The following PPP1R16B variants were observed in gnomAD, a reference collection of about 807,000 sequenced individuals.
The protein encoded by PPP1R16B is protein phosphatase 1 regulatory inhibitor subunit 16B.
Under a neutral mutation model 61.7 loss-of-function variants are expected in PPP1R16B, and 14 were observed. The ratio of observed to expected loss-of-function variants is 0.23; its 90% CI spans 0.15 to 0.35. The LOEUF is 0.35. Among genes scored for constraint, PPP1R16B ranks in the 10% least tolerant of loss-of-function variants. The pLI is 1.00. For synonymous variants in PPP1R16B, 266 were observed against 305.3 expected, an observed-to-expected ratio of 0.87 and a Z score of 1.34; for missense variants, 547 against 752.5, an observed-to-expected ratio of 0.73 and a Z score of 3.19.
At chr20:38,893,449 T>C (rs1430056378) in intron 3 of PPP1R16B, among the ~76,000 whole-genome samples, 1 of 152,054 alleles carries the variant, frequency 6.6e-6, no homozygotes, top group Non-Finnish European at 1.5e-5. Flanking sequence ...TCGAGGGTGT[T>C]AGGAAGGGGA....
intron 2 of PPP1R16B, among the ~76,000 whole-genome samples, chr20:38,865,417 G>A (rs2085083810): frequency 6.6e-6 from 1 of 151,978 alleles, no homozygotes; most frequent in Non-Finnish European, 1.5e-5. Flanking sequence ...AGCCTTCCGA[G>A]TAGCTGGGAC....
chr20:38,907,946 G>A lies in PPP1R16B; in HGVS notation c.1028+11G>A. 1 of 1,614,128 alleles carries A rather than the reference G, an allele frequency of 6.2e-7. No homozygotes were observed. Among genetic ancestry groups the A allele is most frequent in the African/African-American group, 1.3e-5 (1 of 75,046 alleles). ...CGCAGGCAGCCGTGGGTGAGTCCGG[G>A]GCAGGGCAGCCAGGAGTCCCTGTGT... On this transcript the variant is annotated intron_variant, in intron 9 of 10. Coordinates refer to ENST00000299824, the MANE Select transcript of PPP1R16B (RefSeq NM_015568.4). This position sits in a 1 kb window ranked among gnomAD's most constrained non-coding sequence, Gnocchi z 4.5.
At chr20:38,845,684 G>T (rs1043741501) in intron 2 of PPP1R16B, among the ~76,000 whole-genome samples, 2 of 152,042 alleles carry the variant, frequency 1.3e-5, no homozygotes. Flanking sequence ...GATGGGAGGT[G>T]GAAGAGTAGG....
intron 3 of PPP1R16B, among the ~76,000 whole-genome samples, chr20:38,893,561 C>T (rs1412859329): frequency 6.8e-6 from 1 of 147,042 alleles, no homozygotes; most frequent in East Asian, 2.0e-4. Context: ...TAGATTGAAG[C>T]TGGGAAGGGA....
chr20:38,908,161 G>A lies in PPP1R16B; in HGVS notation c.1162G>A (p.Glu388Lys), dbSNP rs1231674795. ...CTCCACCTACAACGGGGACATCAGG[G>A]AGACCAGGACAGACCAAGAGAATAA... ...RTSTYNGDIRETRTDQENKDP... is the reference protein window; with the variant it reads ...RTSTYNGDIRKTRTDQENKDP... Residue 388 changes from glutamate (E) to lysine (K), a missense_variant, in exon 10 of 11, where the codon GAG becomes AAG. By Grantham distance (56) the Glu-to-Lys change is moderately conservative (BLOSUM62 1). Coordinates refer to ENST00000299824, the MANE Select transcript of PPP1R16B (RefSeq NM_015568.4). 6.2e-6 allele frequency: 10 copies of A among 1,614,250 alleles called. No homozygotes were observed. Among genetic ancestry groups the A allele is most frequent in the Non-Finnish European group, 8.5e-6 (10 of 1,180,038 alleles).
intron 2 of PPP1R16B, among the ~76,000 whole-genome samples, chr20:38,871,818 A>G (rs931767381): frequency 2.0e-5 from 3 of 152,204 alleles, no homozygotes; most frequent in African/African-American, 7.2e-5. Context: ...AGTATTTACA[A>G]TCTAGCTCAG....
chr20:38,898,682 C>T (rs962472917), intron 4 of PPP1R16B, among the ~76,000 whole-genome samples: 2 of 151,932 alleles, frequency 1.3e-5, no homozygotes, highest in Non-Finnish European at 2.9e-5. Flanking sequence ...TGGTGGTGCA[C>T]GCCTGTAATC....
rs763743444 is a variant in PPP1R16B at position 38,889,618 on chromosome 20, G to A, written c.274G>A (p.Val92Ile). ...EEVRYFLKNK[V>I]SPDLCNEDGL... ...AGTACGCTACTTCCTGAAGAATAAG[G>A]TCAGCCCTGATTTGTGCAATGAGGA... Residue 92 changes from valine to isoleucine, a missense_variant, in exon 3 of 11, where the codon GTC becomes ATC. Transcript: ENST00000299824. 24 of 1,597,090 alleles carry A rather than the reference G, an allele frequency of 1.5e-5. No individual in the cohort carries two copies. The Middle Eastern group carries it at 1.2e-3, about 77-fold the overall frequency.
chr20:38,839,526 G>C (rs1329833893), intron 2 of PPP1R16B, among the ~76,000 whole-genome samples: 1 of 150,642 alleles, frequency 6.6e-6, no homozygotes, highest in Non-Finnish European at 1.5e-5. Context: ...GCTTCTTTTT[G>C]TCCATCCATC....
intron 2 of PPP1R16B, among the ~76,000 whole-genome samples, chr20:38,883,770 C>T (rs1159915520): frequency 2.0e-5 from 3 of 152,190 alleles, no homozygotes; most frequent in African/African-American, 7.2e-5. Flanking sequence ...GGCACACAAG[C>T]AAGAGCTCAC....
chr20:38,810,109 G>A (rs571306660), intron 1 of PPP1R16B, among the ~76,000 whole-genome samples: 1 of 152,202 alleles, frequency 6.6e-6, no homozygotes, highest in African/African-American at 2.4e-5. Context: ...AATAACAGGT[G>A]GGCAAAAGTT....
rs937790188 is a variant in PPP1R16B, at chr20:38,889,662, C to T, written c.318C>T (p.His106=). 25 of 1,587,768 alleles carry T rather than the reference C, an allele frequency of 1.6e-5. No homozygotes were observed. Among genetic ancestry groups the T allele is most frequent in the Non-Finnish European group, 2.1e-5 (24 of 1,156,064 alleles). ...ATGAGGACGGACTCACAGCCCTACACCAGGTAAGGCCGGGCTCGTTGGGGC... is the reference window on the plus strand; with the variant it reads ...ATGAGGACGGACTCACAGCCCTACATCAGGTAAGGCCGGGCTCGTTGGGGC... ...LCNEDGLTAL[H]QCCIDNFEEI... The change falls in exon 3 of 11, where the codon CAC becomes CAT. Residue 106 remains histidine (H), a synonymous_variant. Transcript: ENST00000299824.
At chr20:38,867,615 GTCCAAAATGTGTTAGCATT>G (rs1386774154) in intron 2 of PPP1R16B, among the ~76,000 whole-genome samples, 3 of 152,154 alleles carry the variant, frequency 2.0e-5, no homozygotes, top group African/African-American at 7.2e-5. Flanking sequence ...TATGTTAGTT[GTCCAAAATGTGTTAGCATT>G]TCCAAAATGT....
At chr20:38,846,262 G>A (rs1445406354) in intron 2 of PPP1R16B, among the ~76,000 whole-genome samples, 1 of 152,178 alleles carries the variant, frequency 6.6e-6, no homozygotes, top group Non-Finnish European at 1.5e-5. Context: ...GAAGTCATCA[G>A]CATGATACAA....
intron 3 of PPP1R16B, among the ~76,000 whole-genome samples, chr20:38,894,784 C>A (rs554602691): frequency 2.8e-4 from 43 of 152,334 alleles, no homozygotes; most frequent in African/African-American, 9.4e-4. Context: ...TCCTTGGGAT[C>A]TTTTCCTCCC....
chr20:38,889,882 G>A (rs976627192), intron 3 of PPP1R16B, among the ~76,000 whole-genome samples: 4 of 152,234 alleles, frequency 2.6e-5, no homozygotes, highest in Admixed American at 2.0e-4. Flanking sequence ...CCGCAGACGC[G>A]ACTGCACATG....
At chr20:38,902,942 G>A in intron 6 of PPP1R16B, 150 bp downstream of exon 6, 1 of 1,309,760 alleles carries the variant, frequency 7.6e-7, no homozygotes, top group Non-Finnish European at 1.0e-6. Flanking sequence ...CCTGGATAGG[G>A]AGGGTCAGCA....
At chr20:38,843,518 A>T (rs988555093) in intron 2 of PPP1R16B, among the ~76,000 whole-genome samples, 2 of 152,222 alleles carry the variant, frequency 1.3e-5, no homozygotes, top group African/African-American at 4.8e-5. Flanking sequence ...TCAGCATGGC[A>T]GGTGGCTTTT....
At chr20:38,899,903 T>A (rs760175496) in intron 4 of PPP1R16B, among the ~76,000 whole-genome samples, 11 of 152,002 alleles carry the variant, frequency 7.2e-5, no homozygotes, top group Non-Finnish European at 1.6e-4. Flanking sequence ...TTCAAGCAAT[T>A]CTCATGCCTC....
Sources: gnomAD v4.1 joint callset for allele counts (sites outside exome capture counted in the v4.1 genomes callset) on GRCh38, gnomAD v4.1.1 for gene constraint, Gnocchi (gnomAD v3.1) non-coding constraint, MANE v1.5 for transcripts, NCBI Gene and HGNC (gene_info 2026-07-23, HGNC 2026-07-21) for gene names.